The following WFS1 variants were observed in gnomAD, a reference collection of about 807,000 sequenced individuals.
WFS1 encodes wolframin ER transmembrane glycoprotein, also known as wolframin.
A neutral mutation model predicts 68.5 loss-of-function variants in WFS1; 90 were observed. That is an observed-to-expected ratio of 1.31 (90% CI 1.11 to 1.56). The LOEUF (loss-of-function observed/expected upper bound fraction) is 1.56. Among genes scored for constraint, WFS1 ranks in the 40% most tolerant of loss-of-function variants. WFS1 has a pLI of 0.00. For missense variants in WFS1, 1,767 were observed against 1,232.6 expected (o/e 1.43, Z -6.49); for synonymous variants, 860 against 540.7 (o/e 1.59, Z -8.19).
chr4:6,299,959 G>A (rs953681618), intron 7 of WFS1, among the ~76,000 whole-genome samples: 5 of 145,512 alleles, frequency 3.4e-5, no homozygotes, highest in Middle Eastern at 3.4e-3. Context: ...GGTGGGTTGC[G>A]TGTGTGTGTG....
chr4:6,290,138 C>T (rs763765354), intron 4 of WFS1, among the ~76,000 whole-genome samples: 5 of 152,366 alleles, frequency 3.3e-5, no homozygotes, highest in South Asian at 2.1e-4. Context: ...AGGGTTTCAT[C>T]AGGTTGGCCA....
intron 7 of WFS1, among the ~76,000 whole-genome samples, chr4:6,299,367 G>C (rs903242922): frequency 3.3e-5 from 5 of 152,168 alleles, no homozygotes; most frequent in Non-Finnish European, 1.5e-5. Flanking sequence ...CCCACAGGTC[G>C]GGGGAAGGCA....
Position 6,302,606 on chromosome 4 carries a change from G to A in WFS1, c.*138G>A. ...GTGGCTGCAGAGACCTTGCGACCAT[G>A]TGTAGATTGCGTGGACCCCGACAAA... On this transcript the variant is annotated 3_prime_UTR_variant, in exon 8 of 8. Coordinates refer to ENST00000226760, the MANE Select transcript of WFS1 (RefSeq NM_006005.3). 7.7e-7 allele frequency: 1 copy of A among 1,295,198 alleles called. No individual in the cohort carries two copies. Among genetic ancestry groups the A allele is most frequent in the Non-Finnish European group, 1.1e-6 (1 of 943,404 alleles). 80.2% of individuals were successfully genotyped at this position (1,295,198 alleles called of 1,614,324 possible).
In WFS1 at chr4:6,287,280, G is replaced by T; in HGVS notation, c.315+105G>T. Reference sequence around the variant, plus strand: ...AGAGAAGTGTCGGTGCCTGAGATCGGGGTCAGGAGCCAGCGTGGTGCACCC... The same window carrying T: ...AGAGAAGTGTCGGTGCCTGAGATCGTGGTCAGGAGCCAGCGTGGTGCACCC... On this transcript the variant is annotated intron_variant, in intron 3 of 7. Transcript: ENST00000226760. The surrounding 1 kb of genome is among the most constrained non-coding windows in gnomAD (Gnocchi z 6.4). 9.2e-7 allele frequency: 1 copy of T among 1,082,632 alleles called. No homozygotes were observed. The allele number at this position is 1,082,632 out of a possible 1,614,324, so 67.1% of individuals were successfully genotyped here. A position where few individuals can be genotyped will look rare whatever the true frequency, so the allele number is the denominator to read the frequency against.
At chr4:6,299,969 G>T (rs1417428592) in intron 7 of WFS1, among the ~76,000 whole-genome samples, 1 of 149,508 alleles carries the variant, frequency 6.7e-6, no homozygotes, top group Non-Finnish European at 1.5e-5. Flanking sequence ...GTGTGTGTGT[G>T]TGCACGTGTG....
chr4:6,281,013 G>A (rs1261871628), intron 2 of WFS1, among the ~76,000 whole-genome samples: 1 of 152,194 alleles, frequency 6.6e-6, no homozygotes, highest in Non-Finnish European at 1.5e-5. Context: ...AGACTCTGGG[G>A]CAGTCATATG....
chr4:6,276,038 C>T (rs1195340918), intron 1 of WFS1, among the ~76,000 whole-genome samples: 2 of 152,224 alleles, frequency 1.3e-5, no homozygotes, highest in East Asian at 1.9e-4. Flanking sequence ...GCCAGGAGTA[C>T]AGCGCTGCGG....
In WFS1 at chr4:6,300,656, G is replaced by C. The variant is rs1487715574; in HGVS notation, c.862-1G>C. 1.9e-6 allele frequency: 3 copies of C among 1,614,000 alleles called. No individual in the cohort carries two copies. The highest frequency in any genetic ancestry group is 2.2e-5 in the East Asian group (1 of 44,872). On this transcript the variant is annotated splice_acceptor_variant, in intron 7 of 7. Transcript: ENST00000226760. LOFTEE classifies it high-confidence loss of function. ...GTTCCCACGTACCATCTTTCCCCCA[G>C]GTGGTCAAGTACCCCCTGCACGCCA...
chr4:6,276,087 T>C (rs991996532), intron 1 of WFS1, among the ~76,000 whole-genome samples: 6 of 152,306 alleles, frequency 3.9e-5, no homozygotes, highest in African/African-American at 9.6e-5. Flanking sequence ...GTTACCAGCC[T>C]CTCCCTGCTC....
rs1730901610 is a variant in WFS1, at chr4:6,301,346, C to T, written c.1551C>T (p.Arg517=). 3 of 1,612,234 alleles carry T rather than the reference C, an allele frequency of 1.9e-6. No homozygotes were observed. The highest frequency in any genetic ancestry group is 1.7e-5 in the Admixed American group (1 of 60,012). The change falls in exon 8 of 8, where the codon CGC becomes CGT. Residue 517 remains arginine (R), a synonymous_variant. Coordinates refer to ENST00000226760, the MANE Select transcript of WFS1 (RefSeq NM_006005.3). ...TCTACCTGCTCTATCTCTTCTTCCGCATGGCACAGCTGAGGAATTTCAAGG... is the reference window on the plus strand; with the variant it reads ...TCTACCTGCTCTATCTCTTCTTCCGTATGGCACAGCTGAGGAATTTCAAGG... ...LYVYLLYLFF[R]MAQLRNFKGT... is the part of the protein sequence containing the mutation.
intron 1 of WFS1, among the ~76,000 whole-genome samples, chr4:6,276,728 G>T (rs1052712017): frequency 2.0e-5 from 3 of 152,206 alleles, no homozygotes; most frequent in African/African-American, 7.2e-5. Flanking sequence ...AAACTTGGTG[G>T]CTTAAAACAA....
At chr4:6,276,035 G>A (rs1341442095) in intron 1 of WFS1, among the ~76,000 whole-genome samples, 4 of 152,250 alleles carry the variant, frequency 2.6e-5, no homozygotes, top group Non-Finnish European at 5.9e-5. Context: ...AGAGCCAGGA[G>A]TACAGCGCTG....
chr4:6,293,262 C>G (rs1407829038), intron 6 of WFS1, among the ~76,000 whole-genome samples: 1 of 152,176 alleles, frequency 6.6e-6, no homozygotes, highest in Non-Finnish European at 1.5e-5. Context: ...CTGCTGGGCC[C>G]TGTCGCTGTT....
chr4:6,271,086 C>A (rs534656664), intron 1 of WFS1, among the ~76,000 whole-genome samples: 305 of 152,376 alleles, frequency 2.0e-3, no homozygotes, highest in Non-Finnish European at 3.8e-3. Flanking sequence ...CTGGGTACCC[C>A]ATGTGCTGGC....
chr4:6,298,407 G>C (rs536315647), intron 7 of WFS1, among the ~76,000 whole-genome samples: 1 of 152,376 alleles, frequency 6.6e-6, no homozygotes, highest in South Asian at 2.1e-4. Context: ...CTGGCAGTGT[G>C]AGCGCCTCTC....
At position 6,302,480 on chromosome 4, in the gene WFS1, C is replaced by A; in HGVS notation, c.*12C>A. On this transcript the variant is annotated 3_prime_UTR_variant, in exon 8 of 8. Coordinates refer to ENST00000226760, the MANE Select transcript of WFS1 (RefSeq NM_006005.3). ...TGTCGGCGGCCTGAGGATGGTCCGC[C>A]ACGAGGAGCTTCCAGTGCATGTTGC... The A allele has an allele frequency of 1.2e-6, 2 of 1,612,184 alleles. No homozygotes were observed. The highest frequency in any genetic ancestry group is 1.7e-6 in the Non-Finnish European group (2 of 1,180,020).
At chr4:6,300,381 A>G (rs1321799724) in intron 7 of WFS1, among the ~76,000 whole-genome samples, 4 of 152,022 alleles carry the variant, frequency 2.6e-5, no homozygotes, top group South Asian at 2.1e-4. Flanking sequence ...AGAGAAGCAC[A>G]CATGCATCTA....
chr4:6,293,511 C>T lies in WFS1; in HGVS notation c.712+1514C>T, dbSNP rs73069901. On this transcript the variant is annotated intron_variant, in intron 6 of 7. Transcript: ENST00000226760. ...GCCATGTTATTCCACCAAAGCGGCT[C>T]GTCTAGGCCATCAGTGACCCCCCTT... is the stretch of plus-strand genomic sequence containing the variant. Among the ~76,000 whole-genome samples, 889 of 115,576 alleles carry T rather than the reference C, an allele frequency of 7.7e-3. 7 individuals carry two copies. The highest frequency in any genetic ancestry group is 0.032 in the African/African-American group (859 of 27,102). The allele number at this position is 115,576 out of a possible 152,430, so 75.8% of individuals were successfully genotyped here.
chr4:6,278,792 C>A (rs903943518), intron 2 of WFS1, among the ~76,000 whole-genome samples: 2 of 152,222 alleles, frequency 1.3e-5, no homozygotes, highest in Non-Finnish European at 2.9e-5. Context: ...TCACTGTGCT[C>A]CTCTGCTTTG....
Sources: allele counts gnomAD v4.1 joint callset (sites outside exome capture counted in the v4.1 genomes callset), GRCh38; gene constraint gnomAD v4.1.1; non-coding constraint Gnocchi (gnomAD v3.1); transcripts MANE v1.5; gene names NCBI Gene and HGNC (gene_info 2026-07-23, HGNC 2026-07-21).